Variants in HSPA12A observed in about 807,000 individuals in gnomAD.
HSPA12A encodes heat shock 70 kDa protein 12A.
Under a neutral mutation model 69.2 loss-of-function variants are expected in HSPA12A, and 28 were observed. The ratio of observed to expected loss-of-function variants is 0.40; its 90% CI spans 0.30 to 0.55. The LOEUF is 0.55. HSPA12A is among the 20% of genes least tolerant of loss of function. The pLI is 0.38. For missense variants in HSPA12A, 686 were observed against 900.7 expected, an observed-to-expected ratio of 0.76 and a Z score of 3.05; for synonymous variants, 345 against 370.5, an observed-to-expected ratio of 0.93 and a Z score of 0.79.
At chr10:116,696,289 C>A (rs1169363964) in intron 5 of HSPA12A, among the ~76,000 whole-genome samples, 4 of 152,156 alleles carry the variant, frequency 2.6e-5, no homozygotes, top group Non-Finnish European at 4.4e-5. Flanking sequence ...ATGGTCCCCA[C>A]CCAAATCTCA....
In HSPA12A at chr10:116,723,194, A is replaced by C. The variant is rs1589661332; in HGVS notation, c.41-15909T>G. Among the ~76,000 whole-genome samples, 1 of 149,134 alleles carries C rather than the reference A, an allele frequency of 6.7e-6. No individual in the cohort carries two copies. The highest frequency in any genetic ancestry group is 2.5e-5 in the African/African-American group (1 of 40,472). ...GTTTAACCAATCAGATACCTCCATT[A>C]CCCCCTAACCATTGCCCCCCCATCA... On this transcript the variant is annotated intron_variant, in intron 1 of 11. Transcript: ENST00000369209. The surrounding 1 kb of genome is among the most constrained non-coding windows in gnomAD (Gnocchi z 4.1).
At chr10:116,694,041 G>T (rs781837426) in intron 5 of HSPA12A, among the ~76,000 whole-genome samples, 2 of 152,174 alleles carry the variant, frequency 1.3e-5, no homozygotes, top group African/African-American at 4.8e-5. Context: ...TACCAGGCAG[G>T]TGATTTTAAA....
In HSPA12A at chr10:116,742,450, C is replaced by T; in HGVS notation, c.20G>A (p.Gly7Asp). 1 of 1,406,316 alleles carries T rather than the reference C, an allele frequency of 7.1e-7. No individual in the cohort carries two copies. The highest frequency in any genetic ancestry group is 9.3e-7 in the Non-Finnish European group (1 of 1,078,500). The allele number at this position is 1,406,316 out of a possible 1,614,324, so 87.1% of individuals were successfully genotyped here. A position where few individuals can be genotyped will look rare whatever the true frequency, so the allele number is the denominator to read the frequency against. The change falls in exon 1 of 12, where the codon GGC becomes GAC. Residue 7 changes from glycine to aspartate, a missense_variant. Transcript: ENST00000369209. Reference sequence around the variant, plus strand: ...CTCACCTCGGGGCCCGTCGCTGCCGCCGGCCTCCTTGTCCGCCATGGTCGC... The same window carrying T: ...CTCACCTCGGGGCCCGTCGCTGCCGTCGGCCTCCTTGTCCGCCATGGTCGC... MADKEA[G>D]GSDGPRETAP...
At chr10:116,740,961 TAAAAAAAAA>T (rs5788190) in intron 1 of HSPA12A, among the ~76,000 whole-genome samples, 1 of 84,708 alleles carries the variant, frequency 1.2e-5, no homozygotes, top group African/African-American at 4.7e-5. Flanking sequence ...AGGAAAAAAG[TAAAAAAAAA>T]AAAAAAAAAA....
intron 2 of HSPA12A, among the ~76,000 whole-genome samples, chr10:116,800,770 C>G (rs1554893893): frequency 6.6e-6 from 1 of 152,202 alleles, no homozygotes; most frequent in Non-Finnish European, 1.5e-5. Flanking sequence ...CAAGTCTATA[C>G]TAACCCCTTC....
chr10:116,849,810 C>T, upstream of HSPA12A: 1 of 1,413,498 alleles, frequency 7.1e-7, no homozygotes, highest in Non-Finnish European at 9.5e-7. Context: ...CTTGCGCCTG[C>T]GCCTGCGCCT....
At chr10:116,775,443 T>A (rs145968858) in intron 2 of HSPA12A, among the ~76,000 whole-genome samples, 1 of 151,562 alleles carries the variant, frequency 6.6e-6, no homozygotes, top group African/African-American at 2.4e-5. Context: ...GGGAAGGGAG[T>A]CTCTGTAGCT....
intron 1 of HSPA12A, chr10:116,835,159 C>G: frequency 2.5e-6 from 1 of 395,668 alleles, no homozygotes; most frequent in Admixed American, 4.8e-5. Flanking sequence ...TTTAGGTGGG[C>G]GCAGAGGAGC....
At chr10:116,687,994 G>A (rs758481354) in intron 6 of HSPA12A, among the ~76,000 whole-genome samples, 38 of 151,776 alleles carry the variant, frequency 2.5e-4, no homozygotes, top group Admixed American at 4.6e-4. Context: ...TTTTTTTTGC[G>A]ATTTTTTTTT....
chr10:116,685,638 G>GAC (rs782469762), intron 6 of HSPA12A, among the ~76,000 whole-genome samples: 1 of 80,150 alleles, frequency 1.2e-5, no homozygotes, highest in East Asian at 3.1e-4. Flanking sequence ...TCCATCTCAA[G>GAC]AAAAAAAAAA....
chr10:116,838,083 T>A (rs2133218643), intron 1 of HSPA12A, among the ~76,000 whole-genome samples: 1 of 152,248 alleles, frequency 6.6e-6, no homozygotes, highest in South Asian at 2.1e-4. Flanking sequence ...TATACTCTCA[T>A]GGGAAATAGA....
At chr10:116,769,043 G>C (rs1003285098) in intron 2 of HSPA12A, among the ~76,000 whole-genome samples, 2 of 152,162 alleles carry the variant, frequency 1.3e-5, no homozygotes, top group Non-Finnish European at 2.9e-5. Flanking sequence ...TTCAAAGCAG[G>C]TGTGGAAAGT....
intron 1 of HSPA12A, among the ~76,000 whole-genome samples, chr10:116,845,930 C>T (rs1845872218): frequency 6.6e-6 from 1 of 151,998 alleles, no homozygotes; most frequent in Non-Finnish European, 1.5e-5. Context: ...GTTAATAAAC[C>T]CCTTGCACAC....
intron 7 of HSPA12A, among the ~76,000 whole-genome samples, chr10:116,683,052 T>TC (rs1337703416): frequency 6.6e-6 from 1 of 151,744 alleles, no homozygotes; most frequent in East Asian, 1.9e-4. Flanking sequence ...CCTTAGGCCC[T>TC]CGTGCCTTTG....
chr10:116,716,800 T>C (rs1442186441), intron 1 of HSPA12A, among the ~76,000 whole-genome samples: 2 of 152,124 alleles, frequency 1.3e-5, no homozygotes, highest in African/African-American at 4.8e-5. Flanking sequence ...CTCCATGAAG[T>C]GAGAATTGGT....
At chr10:116,827,866 G>A (rs1257713398) in intron 2 of HSPA12A, among the ~76,000 whole-genome samples, 4 of 152,166 alleles carry the variant, frequency 2.6e-5, no homozygotes, top group Admixed American at 1.3e-4. Context: ...TGCGGCAGAC[G>A]GTGGAAGCCA....
At chr10:116,771,253 C>G (rs1262613707) in intron 2 of HSPA12A, among the ~76,000 whole-genome samples, 1 of 152,242 alleles carries the variant, frequency 6.6e-6, no homozygotes, top group East Asian at 1.9e-4. Context: ...GAGGCACATT[C>G]ACAGGCGAGA....
chr10:116,698,721 C>A lies in HSPA12A; in HGVS notation c.460G>T (p.Asp154Tyr). The A allele has an allele frequency of 6.2e-7, 1 of 1,613,952 alleles. No homozygotes were observed. Among genetic ancestry groups the A allele is most frequent in the African/African-American group, 1.3e-5 (1 of 75,070 alleles). ...TTCTTGCCATTTGCTGCCGTCAGGT[C>A]TGTATCCATGGTGAGGTCCTGGTAG... Reference protein sequence around the residue: ...HTTGDLTMDTDLTAANGKKVK... With the variant: ...HTTGDLTMDTYLTAANGKKVK... The change falls in exon 5 of 12, where the codon GAC (aspartate) becomes TAC (tyrosine). Residue 154 changes from aspartate to tyrosine, a missense_variant. Coordinates refer to ENST00000369209, the MANE Select transcript of HSPA12A (RefSeq NM_025015.3).
chr10:116,761,808 T>C (rs1316438125), intron 2 of HSPA12A, among the ~76,000 whole-genome samples: 1 of 151,320 alleles, frequency 6.6e-6, no homozygotes, highest in Non-Finnish European at 1.5e-5. Flanking sequence ...ATGCTAGAGG[T>C]GGCTATCAGG....
Sources: gnomAD v4.1 joint callset for allele counts (sites outside exome capture counted in the v4.1 genomes callset) on GRCh38, gnomAD v4.1.1 for gene constraint, Gnocchi (gnomAD v3.1) non-coding constraint, MANE v1.5 for transcripts, NCBI Gene and HGNC (gene_info 2026-07-23, HGNC 2026-07-21) for gene names.